RNH1: variants seen among roughly 807,000 people sequenced by gnomAD.
RNH1 encodes ribonuclease/angiogenin inhibitor 1.
RNH1 carries 38 observed loss-of-function variants against 46.1 expected under a neutral mutation model. The observed-to-expected ratio is 0.82, with a 90% CI of 0.64 to 1.08. The LOEUF is 1.08. Ranked by LOEUF, RNH1 falls within the 50% of genes least tolerant of loss-of-function variation. The probability of loss-of-function intolerance (pLI) is 0.00; values close to 1 mark genes in which losing one functional copy is unlikely to be tolerated. For synonymous variants in RNH1, 319 were observed against 279.1 expected, an observed-to-expected ratio of 1.14 and a Z score of -1.43; for missense variants, 577 against 590.7, an observed-to-expected ratio of 0.98 and a Z score of 0.24.
chr11:497,397 G>A (rs12277857), intron 9 of RNH1, among the ~76,000 whole-genome samples: 2,165 of 126,830 alleles, frequency 0.017, 22 homozygotes, highest in Middle Eastern at 0.045. Context: ...GGACACTCGT[G>A]CTCTCACCCA....
intron 9 of RNH1, among the ~76,000 whole-genome samples, chr11:496,240 CA>C (rs1212555055): frequency 2.8e-4 from 42 of 152,184 alleles, no homozygotes; most frequent in Non-Finnish European, 5.3e-4. Flanking sequence ...CGAGAAAAAG[CA>C]GATCGTGCAC....
intron 8 of RNH1, 109 bp from the exon 9 acceptor site, chr11:498,250 A>C: frequency 7.5e-7 from 1 of 1,342,114 alleles, no homozygotes; most frequent in Non-Finnish European, 1.0e-6. Flanking sequence ...AACATCTGAC[A>C]GCCTCCCAGC....
chr11:494,948 C>G lies in RNH1; in HGVS notation c.1233G>C (p.Gly411=). The change falls in exon 10 of 11, where the codon GGG becomes GGC. Residue 411 remains glycine, a synonymous_variant. Coordinates refer to ENST00000354420, the MANE Select transcript of RNH1 (RefSeq NM_203387.3). Reference sequence around the variant, plus strand: ...CCACCAGCTGCAGGATGCCGGCGTCCCCCAGGCAGTTGTTGCTGAGGTCCA... The same window carrying G: ...CCACCAGCTGCAGGATGCCGGCGTCGCCCAGGCAGTTGTTGCTGAGGTCCA... ...RELDLSNNCL[G]DAGILQLVES... is the part of the protein sequence containing the mutation. The G allele has an allele frequency of 6.2e-7, 1 of 1,607,924 alleles. No homozygotes were observed.
chr11:496,085 A>G (rs961218285), intron 9 of RNH1, among the ~76,000 whole-genome samples: 7 of 152,106 alleles, frequency 4.6e-5, no homozygotes, highest in Non-Finnish European at 7.4e-5. Context: ...AAAAAGAAAC[A>G]TAAGAAAGGA....
intron 4 of RNH1, 39 bp downstream of exon 4, chr11:500,445 A>G: frequency 6.3e-7 from 1 of 1,580,506 alleles, no homozygotes; most frequent in Non-Finnish European, 8.6e-7. Context: ...ACCAAAGCAG[A>G]CTGCACCAGG....
intron 4 of RNH1, 87 bp from the exon 5 acceptor site, chr11:500,086 C>G: frequency 7.1e-7 from 1 of 1,405,822 alleles, no homozygotes; most frequent in Non-Finnish European, 9.4e-7. Context: ...CGGAGCAGCA[C>G]TCTTCAGGCG....
At chr11:497,067 C>T (rs1383092647) in intron 9 of RNH1, among the ~76,000 whole-genome samples, 1 of 151,354 alleles carries the variant, frequency 6.6e-6, no homozygotes, top group Non-Finnish European at 1.5e-5. Flanking sequence ...TGCTCACACT[C>T]ACATGGACAC....
chr11:498,365 C>A, intron 8 of RNH1, 92 bp downstream of exon 8: 2 of 1,511,800 alleles, frequency 1.3e-6, no homozygotes, highest in Non-Finnish European at 1.8e-6. Flanking sequence ...AGCCCAGCAG[C>A]TTCCCTGGAG....
rs752335636 is a variant in RNH1 at position 494,945 on chromosome 11, G to A, written c.1236C>T (p.Asp412=). The A allele has an allele frequency of 2.3e-5, 37 of 1,607,916 alleles. No individual in the cohort carries two copies. Among genetic ancestry groups the A allele is most frequent in the African/African-American group, 5.3e-5 (4 of 74,828 alleles). ...ELDLSNNCLG[D]AGILQLVESV... ...TCTCCACCAGCTGCAGGATGCCGGC[G>A]TCCCCCAGGCAGTTGTTGCTGAGGT... The change falls in exon 10 of 11, where the codon GAC becomes GAT. Residue 412 remains aspartate (D), a synonymous_variant. Coordinates refer to ENST00000354420, the MANE Select transcript of RNH1 (RefSeq NM_203387.3).
At chr11:496,231 G>A (rs190851054) in intron 9 of RNH1, among the ~76,000 whole-genome samples, 219 of 152,252 alleles carry the variant, frequency 1.4e-3, no homozygotes, top group Non-Finnish European at 2.6e-3. Context: ...AGCTGCCAAC[G>A]AGAAAAAGCA....
At chr11:498,678 G>A in intron 7 of RNH1, 51 bp from the exon 8 acceptor site, 1 of 1,604,960 alleles carries the variant, frequency 6.2e-7, no homozygotes, top group Non-Finnish European at 8.5e-7. Flanking sequence ...CTCATGGCCT[G>A]AGATGAGCCC....
intron 9 of RNH1, among the ~76,000 whole-genome samples, chr11:497,105 ACT>A (rs1215694141): frequency 1.6e-5 from 2 of 128,532 alleles, no homozygotes; most frequent in East Asian, 4.9e-4. Context: ...CATGTGCCAC[ACT>A]CACGTGCTCA....
Position 499,894 on chromosome 11 carries a change from C to T in RNH1, c.378G>A (p.Gly126=). The T allele has an allele frequency of 6.2e-7, 1 of 1,613,344 alleles. No individual in the cohort carries two copies. Among genetic ancestry groups the T allele is most frequent in the Non-Finnish European group, 8.5e-7 (1 of 1,179,970 alleles). ...QELHLSDNLL[G]DAGLQLLCEG... Reference sequence around the variant, plus strand: ...CGCAGAGCAGCTGCAGGCCCGCATCCCCCAAGAGGTTGTCGCTGAGGTGCA... The same window carrying T: ...CGCAGAGCAGCTGCAGGCCCGCATCTCCCAAGAGGTTGTCGCTGAGGTGCA... Residue 126 remains glycine (G), a synonymous_variant, in exon 5 of 11, where the codon GGG becomes GGA. Transcript: ENST00000354420.
intron 9 of RNH1, among the ~76,000 whole-genome samples, chr11:496,395 C>T (rs1344509400): frequency 3.9e-5 from 6 of 152,100 alleles, no homozygotes; most frequent in Non-Finnish European, 8.8e-5. Context: ...TTAGGCCAGG[C>T]GTGGTGGCTC....
At chr11:500,207 C>T (rs1410954054) in intron 4 of RNH1, 1 of 678,096 alleles carries the variant, frequency 1.5e-6, no homozygotes, top group Non-Finnish European at 2.4e-6. Context: ...TGTCTGCAGA[C>T]ACACCTTTCA....
chr11:499,878 G>C lies in RNH1; in HGVS notation c.394C>G (p.Leu132Val), dbSNP rs748179830. 8 of 1,613,056 alleles carry C rather than the reference G, an allele frequency of 5.0e-6. No individual in the cohort carries two copies. The highest frequency in any genetic ancestry group is 6.8e-6 in the Non-Finnish European group (8 of 1,179,840). The change falls in exon 5 of 11, where the codon CTG (leucine) becomes GTG (valine). Residue 132 changes from leucine (L) to valine (V), a missense_variant. Physicochemically the swap from Leu to Val is conservative, Grantham distance 32 (BLOSUM62 1). Transcript: ENST00000354420. ...DNLLGDAGLQLLCEGLLDPQC... is the reference protein window; with the variant it reads ...DNLLGDAGLQVLCEGLLDPQC... ...GGGTCCAGGAGTCCTTCGCAGAGCAGCTGCAGGCCCGCATCCCCCAAGAGG... is the reference window on the plus strand; with the variant it reads ...GGGTCCAGGAGTCCTTCGCAGAGCACCTGCAGGCCCGCATCCCCCAAGAGG...
At chr11:499,516 T>C (rs905200772) in intron 5 of RNH1, 12 of 695,250 alleles carry the variant, frequency 1.7e-5, no homozygotes, top group African/African-American at 1.2e-4. Flanking sequence ...CCACACACAC[T>C]GAGGCGGTGA....
Position 494,982 on chromosome 11 carries a change from A to G in RNH1, c.1199T>C (p.Leu400Pro), listed in dbSNP as rs1848919002. 1.9e-6 allele frequency: 3 copies of G among 1,605,978 alleles called. No homozygotes were observed. The highest frequency in any genetic ancestry group is 1.3e-5 in the African/African-American group (1 of 74,820). The stretch of plus-strand genomic sequence containing the variant: ...GTTGTTGCTGAGGTCCAGCTCACGC[A>G]GGCTGTGGTTGGCCAACAGGGTTGC... ...LAATLLANHS[L>P]RELDLSNNCL... The change falls in exon 10 of 11, where the codon CTG (leucine) becomes CCG (proline). Residue 400 changes from leucine to proline, a missense_variant. By Grantham distance (98) the Leu-to-Pro change is moderately conservative. Coordinates refer to ENST00000354420, the MANE Select transcript of RNH1 (RefSeq NM_203387.3).
intron 9 of RNH1, 84 bp downstream of exon 9, chr11:497,887 G>T: frequency 6.7e-7 from 1 of 1,483,180 alleles, no homozygotes; most frequent in Non-Finnish European, 9.1e-7. Context: ...TGCTCACACA[G>T]ATACTCGTGC....
Sources: allele counts gnomAD v4.1 joint callset (sites outside exome capture counted in the v4.1 genomes callset), GRCh38; gene constraint gnomAD v4.1.1; transcripts MANE v1.5; gene names NCBI Gene and HGNC (gene_info 2026-07-23, HGNC 2026-07-21).